The following CTNNA2 variants were observed in gnomAD, a reference collection of about 807,000 sequenced individuals.
CTNNA2 encodes catenin alpha-2.
Under a neutral mutation model 101.0 loss-of-function variants are expected in CTNNA2, and 42 were observed. The observed-to-expected ratio is 0.42, with a 90% confidence interval of 0.32 to 0.54. The LOEUF (loss-of-function observed/expected upper bound fraction) is 0.54, where lower values mean the gene tolerates loss of function less well. CTNNA2 is among the 20% of genes least tolerant of loss of function. The pLI is 0.14. For synonymous variants in CTNNA2, 450 were observed against 456.4 expected, an observed-to-expected ratio of 0.99 and a Z score of 0.18; for missense variants, 871 against 1,223.1, an observed-to-expected ratio of 0.71 and a Z score of 4.29.
At chr2:79,252,419 T>G (rs767742474) in intron 2 of CTNNA2, among the ~76,000 whole-genome samples, 1 of 152,142 alleles carries the variant, frequency 6.6e-6, no homozygotes, top group Non-Finnish European at 1.5e-5. Context: ...TCTTCACCTC[T>G]GGTTTTGTGG....
chr2:79,291,926 C>T (rs1438433063), intron 2 of CTNNA2, among the ~76,000 whole-genome samples: 1 of 151,946 alleles, frequency 6.6e-6, no homozygotes, highest in African/African-American at 2.4e-5. Context: ...AACAGAGAGA[C>T]AGAGTTATTA....
At chr2:80,144,533 TC>T (rs1703212492) in intron 7 of CTNNA2, among the ~76,000 whole-genome samples, 1 of 152,186 alleles carries the variant, frequency 6.6e-6, no homozygotes, top group South Asian at 2.1e-4. Context: ...TCCTAAGTCA[TC>T]ACTGGAACAC....
intron 7 of CTNNA2, among the ~76,000 whole-genome samples, chr2:80,216,091 A>G (rs755662908): frequency 8.1e-4 from 123 of 152,136 alleles, no homozygotes; most frequent in Non-Finnish European, 1.5e-3. Flanking sequence ...CTGGTGTGCC[A>G]TTTGCTAAGA....
At chr2:79,202,327 G>GTT (rs1344836637) in intron 2 of CTNNA2, among the ~76,000 whole-genome samples, 95 of 129,446 alleles carry the variant, frequency 7.3e-4, no homozygotes, top group Middle Eastern at 4.3e-3. Flanking sequence ...CCACACACTT[G>GTT]TTTTTTTATT....
intron 7 of CTNNA2, among the ~76,000 whole-genome samples, chr2:80,070,248 A>C (rs1258904369): frequency 1.3e-5 from 2 of 152,206 alleles, no homozygotes; most frequent in Non-Finnish European, 2.9e-5. Context: ...AGTCTAATTT[A>C]CAATAAGCGG....
At chr2:79,911,547 T>C (rs1685801104) in intron 7 of CTNNA2, among the ~76,000 whole-genome samples, 1 of 152,246 alleles carries the variant, frequency 6.6e-6, no homozygotes, top group East Asian at 1.9e-4. Context: ...TGTAATCTCA[T>C]GCAGATCAGC....
intron 1 of CTNNA2, among the ~76,000 whole-genome samples, chr2:79,571,069 A>G (rs913969912): frequency 3.1e-4 from 47 of 152,176 alleles, no homozygotes; most frequent in African/African-American, 1.1e-3. Flanking sequence ...TCTTTTATGA[A>G]TAGCCTAGAA....
intron 2 of CTNNA2, among the ~76,000 whole-genome samples, chr2:79,244,709 T>C (rs1405398527): frequency 6.6e-6 from 1 of 152,240 alleles, no homozygotes; most frequent in African/African-American, 2.4e-5. Context: ...CTTGCAGCTA[T>C]AGCAGAGCTC....
intron 7 of CTNNA2, among the ~76,000 whole-genome samples, chr2:79,910,102 G>A (rs993930893): frequency 6.6e-5 from 10 of 152,166 alleles, no homozygotes; most frequent in Non-Finnish European, 1.3e-4. Flanking sequence ...ATTTCAATTG[G>A]TAAAGGTAGA....
intron 2 of CTNNA2, among the ~76,000 whole-genome samples, chr2:79,673,168 ATATT>A (rs1261565193): frequency 1.3e-5 from 2 of 152,098 alleles, no homozygotes; most frequent in Non-Finnish European, 2.9e-5. Context: ...TATTGATTGA[ATATT>A]TAGTTTTGCT....
chr2:79,289,850 A>G (rs1210331836), intron 2 of CTNNA2, among the ~76,000 whole-genome samples: 3 of 152,204 alleles, frequency 2.0e-5, no homozygotes, highest in African/African-American at 7.2e-5. Flanking sequence ...ATCCAATATA[A>G]TACTTAGGAG....
intron 2 of CTNNA2, among the ~76,000 whole-genome samples, chr2:79,726,930 G>A (rs77144983): frequency 0.034 from 5,214 of 152,120 alleles, 287 homozygotes; most frequent in African/African-American, 0.12. Flanking sequence ...AAAGTGAGTC[G>A]GTTTTAAATA....
intron 15 of CTNNA2, among the ~76,000 whole-genome samples, chr2:80,594,433 C>T (rs1310117627): frequency 6.6e-6 from 1 of 151,906 alleles, no homozygotes; most frequent in African/African-American, 2.4e-5. Context: ...TAAAGAATTA[C>T]TATTTTCTCT....
In CTNNA2 at chr2:79,668,952, G is replaced by A. The variant is rs538379124; in HGVS notation, c.102+17294G>A. Among the ~76,000 whole-genome samples, 5 of 152,318 alleles carry A rather than the reference G, an allele frequency of 3.3e-5. No homozygotes were observed. The East Asian group carries it at 7.7e-4, about 24-fold the overall frequency. ...ATCACATGCAGTTTGGGAGAAAGGT[G>A]GATGTAGTTTTTGCAAGTCTCACCT... On this transcript the variant is annotated intron_variant, in intron 2 of 18. Transcript: ENST00000402739.
chr2:79,661,405 A>T (rs1682027589), intron 2 of CTNNA2, among the ~76,000 whole-genome samples: 1 of 152,228 alleles, frequency 6.6e-6, no homozygotes, highest in Non-Finnish European at 1.5e-5. Context: ...AATAAGAGAA[A>T]TGCCATTTAG....
chr2:79,597,983 A>G (rs1677309848), intron 1 of CTNNA2, among the ~76,000 whole-genome samples: 2 of 152,176 alleles, frequency 1.3e-5, no homozygotes, highest in African/African-American at 2.4e-5. Context: ...AGCACTGACC[A>G]CTAATCTTTT....
intron 7 of CTNNA2, among the ~76,000 whole-genome samples, chr2:80,216,414 T>C (rs1174791659): frequency 6.6e-6 from 1 of 152,146 alleles, no homozygotes; most frequent in African/African-American, 2.4e-5. Flanking sequence ...AAAATAACAA[T>C]AATAATAATA....
chr2:79,852,535 A>G (rs146082366), intron 3 of CTNNA2, among the ~76,000 whole-genome samples: 3 of 152,342 alleles, frequency 2.0e-5, no homozygotes, highest in African/African-American at 4.8e-5. Flanking sequence ...AGTAAGTCCA[A>G]TACTTGCCAT....
chr2:79,528,581 G>A (rs926239608), intron 1 of CTNNA2, among the ~76,000 whole-genome samples: 5 of 151,940 alleles, frequency 3.3e-5, no homozygotes, highest in African/African-American at 1.2e-4. Context: ...TATAATGTAA[G>A]GCAAACAAAT....
Sources: allele counts gnomAD v4.1 joint callset (sites outside exome capture counted in the v4.1 genomes callset), GRCh38; gene constraint gnomAD v4.1.1; transcripts MANE v1.5; gene names NCBI Gene and HGNC (gene_info 2026-07-23, HGNC 2026-07-21).